DOCK7: variants seen among roughly 807,000 people sequenced by gnomAD.
DOCK7 encodes dedicator of cytokinesis 7.
Under a neutral mutation model 271.0 loss-of-function variants are expected in DOCK7, and 138 were observed. The ratio of observed to expected loss-of-function variants is 0.51; its 90% CI spans 0.44 to 0.59. DOCK7 has a LOEUF of 0.59. Among genes scored for constraint, DOCK7 ranks in the 20% least tolerant of loss-of-function variants. The pLI, the probability that DOCK7 is intolerant of heterozygous loss-of-function variation, is 0.00. For synonymous variants in DOCK7, 823 were observed against 876.1 expected, an observed-to-expected ratio of 0.94 and a Z score of 1.07; for missense variants, 2,066 against 2,592.4, an observed-to-expected ratio of 0.80 and a Z score of 4.41.
At chr1:62,475,996 T>C (rs1257557527) in intron 45 of DOCK7, 53 bp from the exon 46 acceptor site, 20 of 1,603,442 alleles carry the variant, frequency 1.2e-5, no homozygotes, top group Middle Eastern at 1.7e-4. Flanking sequence ...TCATTTAGTC[T>C]TTCTCAAACA....
intron 33 of DOCK7, 63 bp from the exon 34 acceptor site, chr1:62,510,736 A>G (rs1257654533): frequency 8.0e-7 from 1 of 1,243,658 alleles, no homozygotes; most frequent in Non-Finnish European, 1.2e-6. Context: ...ATATATGTAT[A>G]CTTGCAATCA....
At chr1:62,679,171 AG>A (rs958346636) in intron 1 of DOCK7, among the ~76,000 whole-genome samples, 5 of 152,296 alleles carry the variant, frequency 3.3e-5, no homozygotes, top group Non-Finnish European at 4.4e-5. Context: ...CTAAATAAAA[AG>A]GGGGTAACTA....
chr1:62,558,196 T>C (rs909627694), intron 20 of DOCK7, among the ~76,000 whole-genome samples: 1 of 152,190 alleles, frequency 6.6e-6, no homozygotes, highest in Admixed American at 6.6e-5. Flanking sequence ...GAGTTCATTA[T>C]GTCTGTGTAC....
At position 62,475,232 on chromosome 1, in the gene DOCK7, T is replaced by A. The variant is rs1158852610; in HGVS notation, c.6081A>T (p.Gly2027=). The A allele has an allele frequency of 6.2e-7, 1 of 1,613,908 alleles. No individual in the cohort carries two copies. Among genetic ancestry groups the A allele is most frequent in the Non-Finnish European group, 8.5e-7 (1 of 1,179,912 alleles). The stretch of plus-strand genomic sequence containing the variant: ...CCTGATTCACTGTGGTGCCTACAGA[T>A]CCCTGGAGTACCATCTGAAGCATTT... The part of the protein sequence containing the change: ...DPKMLQMVLQ[G]SVGTTVNQGP... The change falls in exon 47 of 50, where the codon GGA becomes GGT. Residue 2027 remains glycine, a synonymous_variant. Coordinates refer to ENST00000635253, the MANE Select transcript of DOCK7 (RefSeq NM_001367561.1).
intron 29 of DOCK7, among the ~76,000 whole-genome samples, chr1:62,531,541 C>A (rs1645174509): frequency 6.6e-6 from 1 of 152,156 alleles, no homozygotes; most frequent in Non-Finnish European, 1.5e-5. Context: ...TTCTAAAGAA[C>A]CATGTACTAC....
chr1:62,559,024 A>G lies in DOCK7; in HGVS notation c.2396T>C (p.Leu799Ser). 6.2e-7 allele frequency: 1 copy of G among 1,613,736 alleles called. No individual in the cohort carries two copies. The highest frequency in any genetic ancestry group is 1.1e-5 in the South Asian group (1 of 91,036). The change falls in exon 20 of 50, where the codon TTA (leucine) becomes TCA (serine). Residue 799 changes from leucine to serine, a missense_variant. Leu to Ser is a moderately radical substitution (Grantham distance 145). Around this residue, in one of 2 missense-constraint regions of DOCK7, gnomAD observed 1,414 missense variants for 1,670.4 expected, o/e 0.85. Coordinates refer to ENST00000635253, the MANE Select transcript of DOCK7 (RefSeq NM_001367561.1). ...LHLLLDKLIL[L>S]VIRPPVIAGQ... is the part of the protein sequence containing the mutation. Reference sequence around the variant, plus strand: ...AGCAATGACAGGAGGTCTAATAACTAAAAGTATCAGTTTATCTAGCAGAAG... The same window carrying G: ...AGCAATGACAGGAGGTCTAATAACTGAAAGTATCAGTTTATCTAGCAGAAG...
chr1:62,564,711 C>T (rs1474252169), intron 18 of DOCK7, among the ~76,000 whole-genome samples: 1 of 152,012 alleles, frequency 6.6e-6, no homozygotes, highest in Non-Finnish European at 1.5e-5. Context: ...CAGAGCAGAA[C>T]TGAAGGAGAT....
rs186926212 is a variant in DOCK7 at position 62,489,381 on chromosome 1, G to A, written c.5362-316C>T. On this transcript the variant is annotated intron_variant, in intron 41 of 49. Transcript: ENST00000635253. ...GGAGAATGGCGTGAACATGGGAGGC[G>A]GAGTGTGCAGTGAGCTGAGACCGCG... Among the ~76,000 whole-genome samples the A allele has an allele frequency of 4.8e-3, 727 of 152,192 alleles. 7 individuals carry two copies. The highest frequency in any genetic ancestry group is 0.017 in the African/African-American group (686 of 41,526).
chr1:62,577,416 A>T, intron 17 of DOCK7, 53 bp from the exon 18 acceptor site: 1 of 1,390,736 alleles, frequency 7.2e-7, no homozygotes, highest in Non-Finnish European at 9.8e-7. Flanking sequence ...CTATAAAAAT[A>T]ATTACTTAGC....
chr1:62,603,959 T>C, intron 14 of DOCK7: 1 of 1,612,224 alleles, frequency 6.2e-7, no homozygotes, highest in Non-Finnish European at 8.5e-7. Flanking sequence ...TTTAAAACTT[T>C]TCTTTTCAGG....
chr1:62,635,045 A>C, intron 8 of DOCK7, 123 bp from the exon 9 acceptor site: 1 of 497,182 alleles, frequency 2.0e-6, no homozygotes, highest in Non-Finnish European at 3.5e-6. Context: ...ATCTGTTTTC[A>C]ATTACAGTAA....
chr1:62,666,726 A>T (rs17388017), intron 1 of DOCK7, among the ~76,000 whole-genome samples: 2,869 of 152,296 alleles, frequency 0.019, 57 homozygotes, highest in Admixed American at 0.042. Flanking sequence ...ATTTTTTCTT[A>T]CTCCTAGTGA....
Position 62,554,199 on chromosome 1 carries a change from G to A in DOCK7, c.2597-1298C>T, listed in dbSNP as rs999143146. Reference sequence around the variant, plus strand: ...GATAAAAAAGCAAAGGCGGCTGGGCGTGGTGGCTCACGCCTATAATCCCAG... The same window carrying A: ...GATAAAAAAGCAAAGGCGGCTGGGCATGGTGGCTCACGCCTATAATCCCAG... On this transcript the variant is annotated intron_variant, in intron 21 of 49. Transcript: ENST00000635253. Among the ~76,000 whole-genome samples the A allele has an allele frequency of 6.6e-5, 10 of 152,228 alleles. No individual in the cohort carries two copies. The South Asian group carries it at 8.3e-4, about 13-fold the overall frequency.
At chr1:62,650,193 T>C (rs963813379) in intron 4 of DOCK7, among the ~76,000 whole-genome samples, 5 of 152,222 alleles carry the variant, frequency 3.3e-5, no homozygotes, top group Non-Finnish European at 7.3e-5. Flanking sequence ...TAGATCATAT[T>C]TAGTCTATAT....
chr1:62,624,135 A>G lies in DOCK7; in HGVS notation c.1425+1124T>C, dbSNP rs556825314. On this transcript the variant is annotated intron_variant, in intron 12 of 49. Coordinates refer to ENST00000635253, the MANE Select transcript of DOCK7 (RefSeq NM_001367561.1). ...TTCTAGTCACCTAGTCACTTACAAC[A>G]AAGACTTTCAAAATTTTCTGATCTT... Among the ~76,000 whole-genome samples the G allele has an allele frequency of 2.6e-5, 4 of 152,284 alleles. No individual in the cohort carries two copies. In the East Asian group the frequency reaches 7.7e-4, roughly 29 times the overall value.
intron 1 of DOCK7, among the ~76,000 whole-genome samples, chr1:62,670,070 G>C (rs181376253): frequency 1.3e-5 from 2 of 152,256 alleles, no homozygotes; most frequent in Non-Finnish European, 2.9e-5. Flanking sequence ...TCCCCCAGCA[G>C]TGCCGGCCCA....
chr1:62,546,516 C>T (rs532853424), intron 22 of DOCK7, among the ~76,000 whole-genome samples: 1 of 152,082 alleles, frequency 6.6e-6, no homozygotes, highest in Non-Finnish European at 1.5e-5. Context: ...TACTTAATTT[C>T]TTTTTCAGTT....
At chr1:62,624,935 C>T (rs1653754088) in intron 12 of DOCK7, among the ~76,000 whole-genome samples, 1 of 151,544 alleles carries the variant, frequency 6.6e-6, no homozygotes, top group African/African-American at 2.4e-5. Context: ...TCTGTCTCTG[C>T]ACTCCAGCCT....
At chr1:62,469,737 G>T (rs957965986) in intron 48 of DOCK7, among the ~76,000 whole-genome samples, 1 of 151,802 alleles carries the variant, frequency 6.6e-6, no homozygotes, top group Admixed American at 6.6e-5. Flanking sequence ...AAATAATTTC[G>T]TCAAAAAGTG....
Sources: allele counts gnomAD v4.1 joint callset (sites outside exome capture counted in the v4.1 genomes callset), GRCh38; gene constraint gnomAD v4.1.1; regional missense constraint gnomAD v4.1.1; transcripts MANE v1.5; gene names NCBI Gene and HGNC (gene_info 2026-07-23, HGNC 2026-07-21).